Variants in ACOXL observed in about 807,000 individuals in gnomAD.
ACOXL encodes the protein acyl-coenzyme A oxidase-like protein.
In ACOXL, 70 loss-of-function variants were observed where a neutral mutation model predicts 71.9. The ratio of observed to expected loss-of-function variants is 0.97; its 90% CI spans 0.80 to 1.19. The LOEUF (loss-of-function observed/expected upper bound fraction) is 1.19, where lower values mean the gene tolerates loss of function less well. Among genes scored for constraint, ACOXL ranks in the 50% most tolerant of loss-of-function variants. The pLI is 0.00. For synonymous variants in ACOXL, 253 were observed against 281.6 expected (o/e 0.90, Z 1.02); for missense variants, 703 against 736.3 (o/e 0.95, Z 0.52).
chr2:111,001,763 T>C (rs762844358), intron 14 of ACOXL, among the ~76,000 whole-genome samples: 4 of 152,212 alleles, frequency 2.6e-5, no homozygotes, highest in Non-Finnish European at 5.9e-5. Context: ...GAATAACACC[T>C]GAGGAGCCTT....
Position 110,845,221 on chromosome 2 carries a change from C to T in ACOXL, c.788+3816C>T, listed in dbSNP as rs1573800157. On this transcript the variant is annotated intron_variant, in intron 10 of 17. Coordinates refer to ENST00000439055, the MANE Select transcript of ACOXL (RefSeq NM_001142807.4). ...CTGCTTCCAAGATGGTGCCTTGTTG[C>T]TGCAGCCATGGGCAGGGAGGAGTGC... 2.6e-5 allele frequency among the ~76,000 whole-genome samples: 4 copies of T among 152,306 alleles called. No individual in the cohort carries two copies. In the South Asian group the frequency reaches 8.3e-4, roughly 32 times the overall value.
intron 15 of ACOXL, among the ~76,000 whole-genome samples, chr2:111,032,274 G>C (rs377530023): frequency 6.6e-6 from 1 of 152,276 alleles, no homozygotes; most frequent in South Asian, 2.1e-4. Flanking sequence ...CACACTGAGA[G>C]GGGTAGTGCC....
At chr2:110,932,075 A>G (rs1370072176) in intron 11 of ACOXL, among the ~76,000 whole-genome samples, 1 of 152,266 alleles carries the variant, frequency 6.6e-6, no homozygotes, top group Non-Finnish European at 1.5e-5. Flanking sequence ...TACATTACGT[A>G]GAATAGAGTA....
chr2:110,908,643 G>A, intron 10 of ACOXL, 146 bp from the exon 11 acceptor site: 1 of 656,094 alleles, frequency 1.5e-6, no homozygotes, highest in Non-Finnish European at 2.7e-6. Context: ...AGGCTGTCTT[G>A]CCCTAACCAC....
chr2:111,031,801 G>A, intron 15 of ACOXL, 87 bp downstream of exon 15: 1 of 1,326,816 alleles, frequency 7.5e-7, no homozygotes, highest in South Asian at 1.2e-5. Flanking sequence ...GGAAAGGACA[G>A]TCCCAACACA....
At chr2:111,026,974 G>T (rs371298696) in intron 14 of ACOXL, among the ~76,000 whole-genome samples, 39 of 151,458 alleles carry the variant, frequency 2.6e-4, no homozygotes, top group African/African-American at 9.0e-4. Context: ...ATGGCTCACT[G>T]CACCTTGACC....
intron 10 of ACOXL, among the ~76,000 whole-genome samples, chr2:110,892,293 G>A (rs981557260): frequency 1.3e-5 from 2 of 152,170 alleles, no homozygotes; most frequent in Non-Finnish European, 2.9e-5. Flanking sequence ...GGCAAAGGAA[G>A]AACGCCCTGA....
At chr2:110,860,147 G>C (rs1041393398) in intron 10 of ACOXL, among the ~76,000 whole-genome samples, 1 of 152,144 alleles carries the variant, frequency 6.6e-6, no homozygotes, top group Non-Finnish European at 1.5e-5. Flanking sequence ...GTCTTGCTCT[G>C]TTGCCCAGGC....
At chr2:110,844,795 C>A (rs557757720) in intron 10 of ACOXL, among the ~76,000 whole-genome samples, 26 of 152,192 alleles carry the variant, frequency 1.7e-4, no homozygotes, top group African/African-American at 6.3e-4. Context: ...GATCCGCCCA[C>A]TTTTGCCTCC....
At chr2:110,773,621 G>A (rs896608994) in intron 2 of ACOXL, among the ~76,000 whole-genome samples, 3 of 152,168 alleles carry the variant, frequency 2.0e-5, no homozygotes, top group African/African-American at 7.2e-5. Context: ...CTGCCGCCCT[G>A]GCCTTGGCTC....
chr2:110,928,923 C>G (rs1332437809), intron 11 of ACOXL, among the ~76,000 whole-genome samples: 4 of 152,198 alleles, frequency 2.6e-5, no homozygotes, highest in Non-Finnish European at 5.9e-5. Flanking sequence ...CACCTTCTGC[C>G]ATGATTTTGA....
At chr2:110,818,423 ATGTGTGTG>A (rs766770172) in intron 9 of ACOXL, among the ~76,000 whole-genome samples, 14 of 137,696 alleles carry the variant, frequency 1.0e-4, no homozygotes, top group Admixed American at 2.2e-4. Flanking sequence ...ATATATATAT[ATGTGTGTG>A]TGTGTGTGTG....
At chr2:110,854,529 GCT>G (rs1282174537) in intron 10 of ACOXL, among the ~76,000 whole-genome samples, 1 of 152,178 alleles carries the variant, frequency 6.6e-6, no homozygotes, top group African/African-American at 2.4e-5. Context: ...GTGTTTGTTT[GCT>G]CTCCACCAGC....
chr2:110,748,848 T>A (rs1177182836), intron 1 of ACOXL, among the ~76,000 whole-genome samples: 2 of 152,210 alleles, frequency 1.3e-5, no homozygotes, highest in Non-Finnish European at 2.9e-5. Context: ...TTTCACCTTG[T>A]TGGTGTTGGA....
At chr2:110,892,253 G>T (rs1339440402) in intron 10 of ACOXL, among the ~76,000 whole-genome samples, 1 of 152,130 alleles carries the variant, frequency 6.6e-6, no homozygotes, top group African/African-American at 2.4e-5. Context: ...AATAGATTAG[G>T]CAGACAACAG....
At chr2:111,015,006 A>T (rs1329600981) in intron 14 of ACOXL, among the ~76,000 whole-genome samples, 1 of 152,254 alleles carries the variant, frequency 6.6e-6, no homozygotes, top group Non-Finnish European at 1.5e-5. Flanking sequence ...GGGAAAAACT[A>T]TAAACTTCTC....
intron 2 of ACOXL, among the ~76,000 whole-genome samples, chr2:110,779,895 G>A (rs192493932): frequency 1.1e-4 from 16 of 152,292 alleles, no homozygotes; most frequent in African/African-American, 3.4e-4. Flanking sequence ...GGATAGGCAG[G>A]GGTTCTTAGA....
intron 9 of ACOXL, among the ~76,000 whole-genome samples, chr2:110,827,240 T>G (rs1022082771): frequency 1.3e-5 from 2 of 152,162 alleles, no homozygotes; most frequent in African/African-American, 4.8e-5. Flanking sequence ...GACACCCACA[T>G]ATGCCCTGCA....
intron 14 of ACOXL, among the ~76,000 whole-genome samples, chr2:110,997,411 A>G (rs1161163143): frequency 2.0e-5 from 3 of 152,214 alleles, no homozygotes; most frequent in Admixed American, 6.5e-5. Context: ...AATGTGAGCA[A>G]CAAGACAGAA....
Sources: allele counts gnomAD v4.1 joint callset (sites outside exome capture counted in the v4.1 genomes callset), GRCh38; gene constraint gnomAD v4.1.1; transcripts MANE v1.5; gene names NCBI Gene and HGNC (gene_info 2026-07-23, HGNC 2026-07-21).